The following IL12RB1 variants were observed in gnomAD, a reference collection of about 807,000 sequenced individuals.
The protein encoded by IL12RB1 is interleukin 12 receptor subunit beta 1, also known as interleukin-12 receptor subunit beta-1.
In IL12RB1, 64 loss-of-function variants were observed where a neutral mutation model predicts 94.4. That is an observed-to-expected ratio of 0.68 (90% CI 0.55 to 0.83). The LOEUF (loss-of-function observed/expected upper bound fraction) is 0.83, where lower values mean the gene tolerates loss of function less well. IL12RB1 is among the 40% of genes least tolerant of loss of function. The probability of loss-of-function intolerance (pLI) is 0.00; values close to 1 mark genes in which losing one functional copy is unlikely to be tolerated. For missense variants in IL12RB1, 814 were observed against 855.6 expected, an observed-to-expected ratio of 0.95 and a Z score of 0.61; for synonymous variants, 362 against 355.5, an observed-to-expected ratio of 1.02 and a Z score of -0.21.
Position 18,075,812 on chromosome 19 carries a change from G to A in IL12RB1, c.637C>T (p.Arg213Trp), listed in dbSNP as rs121434494. 17 of 1,611,590 alleles carry A rather than the reference G, an allele frequency of 1.1e-5. No individual in the cohort carries two copies. The highest frequency in any genetic ancestry group is 6.7e-5 in the East Asian group (3 of 44,868). Residue 213 changes from arginine (R) to tryptophan (W), a missense_variant, in exon 7 of 17, where the codon CGG (arginine) becomes TGG (tryptophan). Physicochemically the swap from Arg to Trp is moderately radical, Grantham distance 101. Coordinates refer to ENST00000593993, the MANE Select transcript of IL12RB1 (RefSeq NM_005535.3). ...NVAQEFQLRRRQLGSQGSSWS... is the reference protein window; with the variant it reads ...NVAQEFQLRRWQLGSQGSSWS... The stretch of plus-strand genomic sequence containing the variant: ...GAACTTCCTTGGCTCCCCAGCTGCC[G>A]TCGTCGGAGCTGGAATTCCTGGGCC...
At chr19:18,070,416 C>T in intron 9 of IL12RB1, 1 of 511,586 alleles carries the variant, frequency 2.0e-6, no homozygotes, top group Non-Finnish European at 2.5e-6. Context: ...ACTAGGCCTC[C>T]CTGGCCTGAC....
intron 4 of IL12RB1, among the ~76,000 whole-genome samples, 192 bp downstream of exon 4, chr19:18,080,640 G>A (rs1161392971): frequency 2.6e-5 from 4 of 152,170 alleles, no homozygotes; most frequent in Non-Finnish European, 4.4e-5. Flanking sequence ...AAGTGCCCAC[G>A]AATAGGGGAT....
At chr19:18,059,785 C>T (rs972995442) in intron 16 of IL12RB1, 109 bp downstream of exon 16, 1 of 736,596 alleles carries the variant, frequency 1.4e-6, no homozygotes, top group African/African-American at 1.7e-5. Flanking sequence ...GTTTTCGTTT[C>T]TCCCTCAGGC....
At chr19:18,069,784 G>T in intron 9 of IL12RB1, 71 bp from the exon 10 acceptor site, 2 of 1,121,168 alleles carry the variant, frequency 1.8e-6, no homozygotes, top group Non-Finnish European at 2.7e-6. Flanking sequence ...TCTGGCTCCT[G>T]CAGCCTCTCT....
chr19:18,095,869 A>C (rs2036868167), intron 1 of IL12RB1, among the ~76,000 whole-genome samples: 1 of 152,106 alleles, frequency 6.6e-6, no homozygotes, highest in Admixed American at 6.6e-5. Flanking sequence ...CACACTGTAC[A>C]GTGGGGCAGC....
intron 15 of IL12RB1, among the ~76,000 whole-genome samples, chr19:18,060,811 G>A (rs2034069278): frequency 6.6e-6 from 1 of 152,118 alleles, no homozygotes. Flanking sequence ...GGCTCAGCCT[G>A]CCTGCGGAAG....
upstream of IL12RB1, among the ~76,000 whole-genome samples, chr19:18,087,429 C>T (rs866204871): frequency 2.0e-5 from 3 of 152,022 alleles, no homozygotes; most frequent in East Asian, 1.9e-4. Context: ...AGGCTGGTCT[C>T]GAACTCCTAA....
Position 18,062,164 on chromosome 19 carries a change from T to G in IL12RB1, c.1715+17A>C, listed in dbSNP as rs750441434. On this transcript the variant is annotated intron_variant, in intron 14 of 16. Transcript: ENST00000593993. ...ATCATTACCATCGCTATGGTAACGG[T>G]AAGAGGTGTCAGTTACCTGTTCAGG... The G allele has an allele frequency of 5.9e-6, 9 of 1,522,590 alleles. No homozygotes were observed. The highest frequency in any genetic ancestry group is 7.3e-6 in the Non-Finnish European group (8 of 1,097,166). 94.3% of individuals were successfully genotyped at this position (1,522,590 alleles called of 1,614,324 possible). A position where few individuals can be genotyped will look rare whatever the true frequency, so the allele number is the denominator to read the frequency against.
Position 18,086,920 on chromosome 19 carries a change from CA to C in IL12RB1, c.-98del. 6.4e-7 allele frequency: 1 copy of C among 1,561,502 alleles called. No homozygotes were observed. The highest frequency in any genetic ancestry group is 1.2e-5 in the South Asian group (1 of 86,004). On this transcript the variant is annotated 5_prime_UTR_variant, in exon 1 of 17. Transcript: ENST00000593993. ...CACTCCGGAACACATTGAAGCTGAG[CA>C]AGGAGAAAAGACTGAAAAAAAAGAA... is the stretch of plus-strand genomic sequence containing the variant.
intron 13 of IL12RB1, among the ~76,000 whole-genome samples, chr19:18,063,021 C>CCCT (rs1211756422): frequency 7.0e-6 from 1 of 143,830 alleles, no homozygotes; most frequent in Non-Finnish European, 1.5e-5. Context: ...TCCTCCTCCT[C>CCCT]CCTCTTCTTC....
chr19:18,063,932 C>T lies in IL12RB1; in HGVS notation c.1562G>A (p.Arg521Gln). Residue 521 changes from arginine to glutamine, a missense_variant, in exon 13 of 17, where the codon CGA (arginine) becomes CAA (glutamine). By Grantham distance (43) the Arg-to-Gln change is conservative. Transcript: ENST00000593993. ...ACCCCTCAGCCACGCTGTGTCTGCT[C>T]GCACCTGCACCGTGTAGGCTACACC... ...RAGVAYTVQV[R>Q]ADTAWLRGVW... 1.9e-6 allele frequency: 3 copies of T among 1,613,260 alleles called. No individual in the cohort carries two copies. Among genetic ancestry groups the T allele is most frequent in the African/African-American group, 2.7e-5 (2 of 74,978 alleles).
At chr19:18,092,851 AG>A in intron 1 of IL12RB1, among the ~76,000 whole-genome samples, 1 of 152,238 alleles carries the variant, frequency 6.6e-6, no homozygotes, top group South Asian at 2.1e-4. Flanking sequence ...CCAAGAAAAA[AG>A]TTCATTCAAC....
chr19:18,069,281 C>T (rs1876186908), intron 10 of IL12RB1, among the ~76,000 whole-genome samples: 1 of 152,246 alleles, frequency 6.6e-6, no homozygotes, highest in Non-Finnish European at 1.5e-5. Context: ...ATTTAACAAA[C>T]ACCTTGGGAT....
chr19:18,086,003 C>T lies in IL12RB1; in HGVS notation c.64+757G>A, dbSNP rs553090322. ...GGCCAAGGTGAGTGGATCATTTGAG[C>T]CCAGGAGTTCGAGACCAGCCTGGGC... On this transcript the variant is annotated intron_variant, in intron 1 of 16. Coordinates refer to ENST00000593993, the MANE Select transcript of IL12RB1 (RefSeq NM_005535.3). Among the ~76,000 whole-genome samples, 5 of 151,944 alleles carry T rather than the reference C, an allele frequency of 3.3e-5. No homozygotes were observed. In the East Asian group the frequency reaches 9.8e-4, roughly 30 times the overall value.
upstream of IL12RB1, chr19:18,091,347 T>G (rs997833977): frequency 6.6e-6 from 1 of 152,220 alleles, no homozygotes; most frequent in Non-Finnish European, 1.5e-5. Context: ...TGCCCCACTT[T>G]CAGGTGCCCC....
intron 1 of IL12RB1, among the ~76,000 whole-genome samples, chr19:18,093,188 C>G (rs942549878): frequency 6.6e-6 from 1 of 151,808 alleles, no homozygotes; most frequent in Non-Finnish European, 1.5e-5. Context: ...GCCTGTAATT[C>G]CAGCTACTCG....
At chr19:18,060,611 A>AC (rs991846367) in intron 15 of IL12RB1, among the ~76,000 whole-genome samples, 3 of 151,760 alleles carry the variant, frequency 2.0e-5, no homozygotes, top group African/African-American at 7.3e-5. Flanking sequence ...CAGTGCAGTG[A>AC]CCCCACCTCA....
intron 7 of IL12RB1, among the ~76,000 whole-genome samples, chr19:18,073,963 T>A (rs558336974): frequency 6.6e-6 from 1 of 152,314 alleles, no homozygotes; most frequent in East Asian, 1.9e-4. Context: ...TAGCTGGGAT[T>A]ACAGGCATGC....
chr19:18,087,835 C>G (rs1342083056), upstream of IL12RB1, among the ~76,000 whole-genome samples: 1 of 152,112 alleles, frequency 6.6e-6, no homozygotes, highest in Non-Finnish European at 1.5e-5. Flanking sequence ...TCGCCAGCTT[C>G]TGAATCTGAG....
Sources: gnomAD v4.1 joint callset for allele counts (sites outside exome capture counted in the v4.1 genomes callset) on GRCh38, gnomAD v4.1.1 for gene constraint, MANE v1.5 for transcripts, NCBI Gene and HGNC (gene_info 2026-07-23, HGNC 2026-07-21) for gene names.